TRPM3: variants seen among roughly 807,000 people sequenced by gnomAD.
The protein encoded by TRPM3 is transient receptor potential cation channel subfamily M member 3, also known as long transient receptor potential channel 3.
In TRPM3, 77 loss-of-function variants were observed where a neutral mutation model predicts 181.2. That is an observed-to-expected ratio of 0.42 (90% confidence interval 0.35 to 0.51). The LOEUF (loss-of-function observed/expected upper bound fraction) is 0.51, where lower values mean the gene tolerates loss of function less well. Ranked by LOEUF, TRPM3 falls within the 20% of genes least tolerant of loss-of-function variation. The pLI is 0.01. For missense variants in TRPM3, 1,759 were observed against 2,196.7 expected (o/e 0.80, Z 3.98); for synonymous variants, 745 against 796.4 (o/e 0.94, Z 1.09).
chr9:70,782,157 T>C (rs1274698020), intron 7 of TRPM3, among the ~76,000 whole-genome samples: 6 of 151,182 alleles, frequency 4.0e-5, no homozygotes, highest in Admixed American at 1.3e-4. Flanking sequence ...TTCTGAAAAA[T>C]AGAACAAATT....
intron 1 of TRPM3, among the ~76,000 whole-genome samples, chr9:71,163,352 A>G (rs2076371478): frequency 7.2e-6 from 1 of 138,650 alleles, no homozygotes; most frequent in African/African-American, 2.6e-5. Flanking sequence ...GTAGGTAGGT[A>G]GGTAGATTGA....
chr9:70,774,778 T>G (rs73453859), intron 7 of TRPM3: 2 of 152,204 alleles, frequency 1.3e-5, no homozygotes, highest in African/African-American at 4.8e-5. Flanking sequence ...TTGCTTTGCA[T>G]GGAATATCCC....
chr9:71,261,347 G>A (rs2083040221), intron 1 of TRPM3, among the ~76,000 whole-genome samples: 1 of 152,078 alleles, frequency 6.6e-6, no homozygotes, highest in Non-Finnish European at 1.5e-5. Flanking sequence ...GTGTTTTTCA[G>A]CTCCATCAGG....
intron 1 of TRPM3, among the ~76,000 whole-genome samples, chr9:71,132,311 C>A (rs2074421726): frequency 6.6e-6 from 1 of 152,104 alleles, no homozygotes; most frequent in Non-Finnish European, 1.5e-5. Flanking sequence ...ACAGTTAATT[C>A]TTGGAGGGAA....
rs72729738 is a variant in TRPM3 at position 70,839,069 on chromosome 9, G to A, written c.801+3934C>T. Among the ~76,000 whole-genome samples the A allele has an allele frequency of 3.6e-3, 553 of 152,220 alleles. 2 individuals carry two copies. The highest frequency in any genetic ancestry group is 0.01 in the Middle Eastern group (3 of 294). On this transcript the variant is annotated intron_variant, in intron 5 of 25. Transcript: ENST00000677713. ...TAAGAAAACAGTTTTACAGCCAGAT[G>A]CTTGGTTAAAAAATGTCCCCACTGT...
intron 1 of TRPM3, among the ~76,000 whole-genome samples, chr9:71,131,503 A>G (rs2074372487): frequency 6.6e-6 from 1 of 152,230 alleles, no homozygotes; most frequent in Non-Finnish European, 1.5e-5. Flanking sequence ...CTGGAACATA[A>G]TGGAAACTCA....
chr9:71,237,840 G>A (rs916902185), intron 1 of TRPM3, among the ~76,000 whole-genome samples: 4 of 152,154 alleles, frequency 2.6e-5, no homozygotes, highest in South Asian at 2.1e-4. Context: ...GCTACCTTAC[G>A]TGACAGAAAA....
chr9:71,140,728 T>A (rs1303424211), intron 1 of TRPM3, among the ~76,000 whole-genome samples: 1 of 152,114 alleles, frequency 6.6e-6, no homozygotes, highest in Non-Finnish European at 1.5e-5. Context: ...GTAGCAAGGG[T>A]AAAGATAAAC....
chr9:71,084,833 C>T (rs1444935646), intron 1 of TRPM3, among the ~76,000 whole-genome samples: 2 of 151,794 alleles, frequency 1.3e-5, no homozygotes, highest in African/African-American at 4.8e-5. Flanking sequence ...CAGTCCTAGG[C>T]AATAAGAACA....
At chr9:70,880,365 T>A (rs770148082) in intron 1 of TRPM3, among the ~76,000 whole-genome samples, 3 of 152,116 alleles carry the variant, frequency 2.0e-5, no homozygotes, top group Non-Finnish European at 4.4e-5. Flanking sequence ...TAAAGGCAGA[T>A]TCAGACTAAC....
At position 71,420,994 on chromosome 9, in the gene TRPM3, AG is replaced by A. The variant is rs377111100; in HGVS notation, c.183+25658del. Among the ~76,000 whole-genome samples, 59 of 99,106 alleles carry A rather than the reference AG, an allele frequency of 6.0e-4. 1 individual carries two copies. The highest frequency in any genetic ancestry group is 8.4e-4 in the East Asian group (4 of 4,778). The allele number at this position is 99,106 out of a possible 152,430, so 65.0% of individuals were successfully genotyped here. On this transcript the variant is annotated intron_variant, in intron 1 of 24. Coordinates refer to the TRPM3 transcript ENST00000357533. ...GAGAAAAAGAGAGAGAAAAAGAGAGAGAAAAAGAGAGAAAAAGAGAGAAAAA... is the reference window on the plus strand; with the variant it reads ...GAGAAAAAGAGAGAGAAAAAGAGAGAAAAAAGAGAGAAAAAGAGAGAAAAA...
chr9:71,239,021 T>A (rs982599331), intron 1 of TRPM3, among the ~76,000 whole-genome samples: 1 of 152,106 alleles, frequency 6.6e-6, no homozygotes, highest in Non-Finnish European at 1.5e-5. Context: ...TCAGATCAAA[T>A]GCATCTCTTG....
intron 1 of TRPM3, among the ~76,000 whole-genome samples, chr9:71,170,516 G>A (rs1306422360): frequency 2.6e-5 from 4 of 152,186 alleles, no homozygotes; most frequent in African/African-American, 7.2e-5. Context: ...GACCCCAAAC[G>A]GAGGGACTGG....
intron 17 of TRPM3, among the ~76,000 whole-genome samples, chr9:70,616,726 G>A (rs1218680821): frequency 6.6e-6 from 1 of 152,138 alleles, no homozygotes; most frequent in East Asian, 1.9e-4. Context: ...AGTGGGCTCC[G>A]TATGTGCTGA....
At chr9:71,105,768 T>C (rs774192052) in intron 1 of TRPM3, among the ~76,000 whole-genome samples, 17 of 152,156 alleles carry the variant, frequency 1.1e-4, no homozygotes, top group Non-Finnish European at 1.9e-4. Context: ...TTTAAAGATG[T>C]CAAATCAGTA....
At chr9:71,173,462 A>G (rs1565303767) in intron 1 of TRPM3, among the ~76,000 whole-genome samples, 1 of 152,242 alleles carries the variant, frequency 6.6e-6, no homozygotes, top group Non-Finnish European at 1.5e-5. Flanking sequence ...GAAAGGCAGT[A>G]TATTTACCAT....
upstream of TRPM3, among the ~76,000 whole-genome samples, chr9:71,124,219 G>C (rs967205011): frequency 6.6e-6 from 1 of 151,714 alleles, no homozygotes; most frequent in Non-Finnish European, 1.5e-5. Flanking sequence ...TCTAAAGAAG[G>C]GTTTTCAAGA....
chr9:71,061,190 C>T (rs549736254), intron 1 of TRPM3, among the ~76,000 whole-genome samples: 32 of 152,196 alleles, frequency 2.1e-4, no homozygotes, highest in African/African-American at 5.5e-4. Context: ...TGACTTGTTA[C>T]GAGCAAAGAG....
intron 1 of TRPM3, among the ~76,000 whole-genome samples, chr9:70,962,841 A>G (rs979213471): frequency 2.0e-5 from 3 of 152,146 alleles, no homozygotes; most frequent in Non-Finnish European, 4.4e-5. Flanking sequence ...TGAATACCAA[A>G]TCACCGGGGG....
Sources: gnomAD v4.1 joint callset for allele counts (sites outside exome capture counted in the v4.1 genomes callset) on GRCh38, gnomAD v4.1.1 for gene constraint, MANE v1.5 for transcripts, NCBI Gene and HGNC (gene_info 2026-07-23, HGNC 2026-07-21) for gene names.